Variants in CHLSN observed in about 807,000 individuals in gnomAD.
The protein encoded by CHLSN is protein cholesin.
At chr7:1,101,671 C>T in the CHLSN span, among the ~76,000 whole-genome samples, 1 of 152,224 alleles carries the variant, frequency 6.6e-6, no homozygotes, top group Non-Finnish European at 1.5e-5. Flanking sequence ...CGGGCCCTGC[C>T]CACGGCGTGC....
At chr7:1,040,743 C>G in the CHLSN span, among the ~76,000 whole-genome samples, 1 of 151,034 alleles carries the variant, frequency 6.6e-6, no homozygotes, top group African/African-American at 2.4e-5. Flanking sequence ...AAGAAAACAG[C>G]CTTTTCTCTG....
the CHLSN span, among the ~76,000 whole-genome samples, chr7:1,102,882 C>T: frequency 2.6e-5 from 4 of 152,364 alleles, no homozygotes; most frequent in Non-Finnish European, 5.9e-5. Context: ...CTCTTCCTTG[C>T]AGGAAAATAG....
the CHLSN span, among the ~76,000 whole-genome samples, chr7:982,841 C>T: frequency 8.5e-5 from 13 of 152,256 alleles, no homozygotes; most frequent in Non-Finnish European, 1.5e-4. Flanking sequence ...GCCTCGGCCC[C>T]AAAGCCCTGT....
the CHLSN span, among the ~76,000 whole-genome samples, chr7:1,081,728 G>A: frequency 5.3e-5 from 6 of 113,220 alleles, no homozygotes; most frequent in Admixed American, 3.3e-4. Flanking sequence ...GAGGCCTCTC[G>A]AACCCATGGC....
chr7:983,180 G>C, the CHLSN span: 1 of 1,453,352 alleles, frequency 6.9e-7, no homozygotes, highest in Non-Finnish European at 9.1e-7. Flanking sequence ...CGGGGCCCAG[G>C]AGGGGAGTGG....
the CHLSN span, chr7:1,055,557 C>T: frequency 4.8e-6 from 2 of 413,254 alleles, no homozygotes; most frequent in Non-Finnish European, 9.8e-6. Context: ...GGAGAGGGGA[C>T]GTGGGGGACT....
chr7:1,080,150 G>T, the CHLSN span, among the ~76,000 whole-genome samples: 6 of 152,252 alleles, frequency 3.9e-5, no homozygotes, highest in East Asian at 1.9e-4. Flanking sequence ...CACTTTGGCA[G>T]CTTTGTATGA....
chr7:979,342 A>C, the CHLSN span, among the ~76,000 whole-genome samples: 1 of 152,054 alleles, frequency 6.6e-6, no homozygotes, highest in Non-Finnish European at 1.5e-5. Context: ...GCGATCGTCA[A>C]AGTTTCGGTG....
the CHLSN span, among the ~76,000 whole-genome samples, chr7:1,012,020 C>G: frequency 6.6e-6 from 1 of 152,220 alleles, no homozygotes; most frequent in African/African-American, 2.4e-5. Context: ...CGGCTCCAAC[C>G]AGCTCCATGC....
chr7:1,115,330 C>T, the CHLSN span, among the ~76,000 whole-genome samples: 18 of 152,360 alleles, frequency 1.2e-4, no homozygotes, highest in East Asian at 5.8e-4. Context: ...CTTCGGGAAA[C>T]GCCCCACCAC....
At chr7:992,751 G>A in the CHLSN span, among the ~76,000 whole-genome samples, 7 of 152,254 alleles carry the variant, frequency 4.6e-5, no homozygotes, top group South Asian at 2.1e-4. Flanking sequence ...GGATGCTGAG[G>A]GGGAAGGAGG....
At chr7:1,094,177 C>T in the CHLSN span, among the ~76,000 whole-genome samples, 1 of 152,208 alleles carries the variant, frequency 6.6e-6, no homozygotes, top group Admixed American at 6.5e-5. Flanking sequence ...CTGGAGCAGC[C>T]GGCCGGGAAG....
At chr7:1,093,771 G>A in the CHLSN span, 1 of 438,976 alleles carries the variant, frequency 2.3e-6, no homozygotes, top group Non-Finnish European at 4.8e-6. Flanking sequence ...GATGAGGCTG[G>A]TGACGTTCAG....
At chr7:1,127,294 G>A in the CHLSN span, 1 of 1,610,432 alleles carries the variant, frequency 6.2e-7, no homozygotes, top group Admixed American at 1.7e-5. Flanking sequence ...TGCAGCCTCA[G>A]GGCCCAGCAG....
chr7:994,761 G>T, the CHLSN span, among the ~76,000 whole-genome samples: 3 of 152,228 alleles, frequency 2.0e-5, no homozygotes, highest in South Asian at 6.2e-4. Context: ...GTGTGGCTTG[G>T]TGTTTCTGAC....
the CHLSN span, among the ~76,000 whole-genome samples, chr7:1,084,752 G>A: frequency 6.6e-6 from 1 of 152,248 alleles, no homozygotes; most frequent in Non-Finnish European, 1.5e-5. Flanking sequence ...TAGAGACGTT[G>A]CCCGGTATCA....
At chr7:1,071,319 TAAAC>T in the CHLSN span, among the ~76,000 whole-genome samples, 2 of 151,900 alleles carry the variant, frequency 1.3e-5, no homozygotes, top group African/African-American at 2.4e-5. Context: ...GAAACTTTAA[TAAAC>T]GATGCATTGG....
chr7:1,038,154 TG>T, the CHLSN span, among the ~76,000 whole-genome samples: 963 of 73,124 alleles, frequency 0.013, 6 homozygotes, highest in African/African-American at 0.042. Context: ...GGGAGGGAGG[TG>T]GGGGGGGGTC....
At chr7:1,016,111 GCACAGCAGCACACAGCAGCA>G in the CHLSN span, among the ~76,000 whole-genome samples, 15 of 55,776 alleles carry the variant, frequency 2.7e-4, 1 homozygote, top group Admixed American at 3.7e-4. Flanking sequence ...ACACAGCAGC[GCACAGCAGCACACAGCAGCA>G]CACGCCAGCA....
Sources: gnomAD v4.1 joint callset for allele counts (sites outside exome capture counted in the v4.1 genomes callset) on GRCh38, gnomAD v4.1.1 for gene constraint, MANE v1.5 for transcripts, NCBI Gene and HGNC (gene_info 2026-07-23, HGNC 2026-07-21) for gene names.